IQSEC2: variants seen among roughly 807,000 people sequenced by gnomAD.
IQSEC2 encodes the protein IQ motif and Sec7 domain ArfGEF 2.
IQSEC2 carries 6 observed loss-of-function variants against 74.6 expected under a neutral mutation model. The observed-to-expected ratio is 0.08, with a 90% CI of 0.04 to 0.16. The LOEUF (loss-of-function observed/expected upper bound fraction) is 0.16. Ranked by LOEUF, IQSEC2 falls within the 10% of genes least tolerant of loss-of-function variation. The pLI, the probability that IQSEC2 is intolerant of heterozygous loss-of-function variation, is 1.00. For synonymous variants in IQSEC2, 494 were observed against 544.5 expected (o/e 0.91, Z 1.29); for missense variants, 734 against 1,306.2 (o/e 0.56, Z 6.75).
chrX:53,273,528 G>A (rs2074775228), intron 2 of IQSEC2, among the ~76,000 whole-genome samples: 1 of 111,934 alleles, frequency 8.9e-6, no homozygotes, highest in Non-Finnish European at 1.9e-5. Context: ...TGAACAGCTG[G>A]ATACAGGGAC....
chrX:53,308,842 A>G (rs1556877340), intron 1 of IQSEC2, among the ~76,000 whole-genome samples: 1 of 110,731 alleles, frequency 9.0e-6, no homozygotes, highest in Admixed American at 9.7e-5. Context: ...TCACCCCTGC[A>G]ATCCCAGCAC....
At chrX:53,242,433 CAAAAAAAAAA>C (rs138931001) in intron 9 of IQSEC2, among the ~76,000 whole-genome samples, 5 of 35,993 alleles carry the variant, frequency 1.4e-4, no homozygotes, top group South Asian at 2.6e-3. Flanking sequence ...AACTCCATGT[CAAAAAAAAAA>C]AAAAAAAAAA....
chrX:53,315,089 C>G (rs781974913), intron 1 of IQSEC2, among the ~76,000 whole-genome samples: 13 of 111,850 alleles, frequency 1.2e-4, no homozygotes, highest in African/African-American at 4.2e-4. Context: ...GTTTCCTTGT[C>G]TGAAAAAATG....
At chrX:53,308,163 CAAAAAAAAAA>C (rs142766855) in intron 1 of IQSEC2, among the ~76,000 whole-genome samples, 4 of 37,777 alleles carry the variant, frequency 1.1e-4, no homozygotes, top group Non-Finnish European at 1.7e-4. Flanking sequence ...GACTCCATCT[CAAAAAAAAAA>C]AAAAAAAAAA....
At chrX:53,291,707 T>A (rs1467467015) in intron 2 of IQSEC2, among the ~76,000 whole-genome samples, 188 bp downstream of exon 2, 1 of 109,360 alleles carries the variant, frequency 9.1e-6, no homozygotes, top group Non-Finnish European at 1.9e-5. Flanking sequence ...TTGAACCCCC[T>A]CCCCACAGCT....
At chrX:53,249,967 A>G (rs868958896) in intron 5 of IQSEC2, among the ~76,000 whole-genome samples, 8 of 111,302 alleles carry the variant, frequency 7.2e-5, no homozygotes, top group Admixed American at 6.7e-4. Context: ...CTCTTTCTAC[A>G]CCATATCACC....
At chrX:53,267,042 T>TCTCCTC (rs782290867) in intron 2 of IQSEC2, 6 of 1,148,384 alleles carry the variant, frequency 5.2e-6, no homozygotes, top group Middle Eastern at 4.7e-4. Flanking sequence ...TCTTCCTCAG[T>TCTCCTC]CTCCTCCTCC....
intron 1 of IQSEC2, among the ~76,000 whole-genome samples, chrX:53,294,585 T>A (rs1361070476): frequency 8.9e-6 from 1 of 111,811 alleles, no homozygotes; most frequent in African/African-American, 3.2e-5. Flanking sequence ...TGGACCTTGG[T>A]TCTTCACCTG....
In IQSEC2 at chrX:53,233,349, G is replaced by A. The variant is rs2074077260; in HGVS notation, c.*870C>T. The A allele has an allele frequency of 9.0e-6, 1 of 111,238 alleles. No homozygotes were observed. The highest frequency in any genetic ancestry group is 3.3e-5 in the African/African-American group (1 of 30,465). 9.2% of individuals were successfully genotyped at this position (111,238 alleles called of 1,213,427 possible). On this transcript the variant is annotated 3_prime_UTR_variant, in exon 15 of 15. Transcript: ENST00000642864. ...TGATGCTGGGTGCCCCTGCCCCAGC[G>A]AGGTGTGTGTGGGTGATATCTGTAA... is the stretch of plus-strand genomic sequence containing the variant.
chrX:53,283,352 GCCCTATCACTTTTTA>G (rs2147272436), intron 2 of IQSEC2, among the ~76,000 whole-genome samples: 1 of 112,453 alleles, frequency 8.9e-6, no homozygotes, highest in Non-Finnish European at 1.9e-5. Context: ...ACAAGTCCTT[GCCCTATCACTTTTTA>G]GCTGGGTAAG....
At chrX:53,274,463 T>TTC (rs1224355144) in intron 2 of IQSEC2, among the ~76,000 whole-genome samples, 9 of 71,883 alleles carry the variant, frequency 1.3e-4, no homozygotes, top group Non-Finnish European at 1.9e-4. Context: ...TTTTTTTTTT[T>TTC]TTTTTTTTTT....
At chrX:53,307,295 C>CTTTTTTTTT (rs60909741) in intron 1 of IQSEC2, among the ~76,000 whole-genome samples, 36 of 55,941 alleles carry the variant, frequency 6.4e-4, no homozygotes, top group East Asian at 1.2e-3. Context: ...TTCTTTCTTT[C>CTTTTTTTTT]TTTTTTTTTT....
At position 53,235,693 on chromosome X, in the gene IQSEC2, G is replaced by A. The variant is rs781812999; in HGVS notation, c.3501+90C>T. The A allele has an allele frequency of 4.1e-6, 4 of 975,372 alleles. No homozygotes were observed. In the South Asian group the frequency reaches 6.2e-5, roughly 15 times the overall value. The allele number at this position is 975,372 out of a possible 1,213,427, so 80.4% of individuals were successfully genotyped here. On this transcript the variant is annotated intron_variant, in intron 14 of 14. Transcript: ENST00000642864. The stretch of plus-strand genomic sequence containing the variant: ...GCCGCATGGTTCCCAGCAGGGAAGA[G>A]GGGGAGCAACAGGTCCCCTCCTCCT...
rs1332852634 is a variant in IQSEC2, at chrX:53,234,306, C to T, written c.4380G>A (p.Pro1460=). 7.4e-6 allele frequency: 5 copies of T among 676,160 alleles called. No individual in the cohort carries two copies. Among genetic ancestry groups the T allele is most frequent in the Non-Finnish European group, 9.8e-6 (5 of 511,990 alleles). The allele number at this position is 676,160 out of a possible 1,213,427, so 55.7% of individuals were successfully genotyped here. The change falls in exon 15 of 15, where the codon CCG becomes CCA. Residue 1460 remains proline (P), a synonymous_variant. Transcript: ENST00000642864. ...SPLPPTSPHG[P]LHASGPPGTA... ...TGCCAGGGGGCCCAGAGGCGTGCAGCGGGCCATGGGGGGAGGTGGGTGGAA... is the reference window on the plus strand; with the variant it reads ...TGCCAGGGGGCCCAGAGGCGTGCAGTGGGCCATGGGGGGAGGTGGGTGGAA...
rs28670941 is a variant in IQSEC2, at chrX:53,283,225, G to T, written c.737+8670C>A. Among the ~76,000 whole-genome samples, 6 of 111,939 alleles carry T rather than the reference G, an allele frequency of 5.4e-5. No homozygotes were observed. The East Asian group carries it at 1.7e-3, about 31-fold the overall frequency. On this transcript the variant is annotated intron_variant, in intron 2 of 14. Transcript: ENST00000642864. ...AGCAAGACCCTGTACAAAAGAAAAAGAAAGAAAGAAAGTGTAGTGGTAGCT... is the reference window on the plus strand; with the variant it reads ...AGCAAGACCCTGTACAAAAGAAAAATAAAGAAAGAAAGTGTAGTGGTAGCT...
chrX:53,262,433 G>C (rs2074582013), intron 2 of IQSEC2, among the ~76,000 whole-genome samples: 1 of 112,220 alleles, frequency 8.9e-6, no homozygotes, highest in Non-Finnish European at 1.9e-5. Context: ...AGGAAGCTAG[G>C]GATGGTGAGG....
chrX:53,261,739 C>T (rs1159899625), intron 2 of IQSEC2, among the ~76,000 whole-genome samples: 1 of 111,600 alleles, frequency 9.0e-6, no homozygotes, highest in African/African-American at 3.3e-5. Context: ...TGGAGAGCAT[C>T]CTCTGCAGAG....
chrX:53,251,844 G>T (rs1000700698), intron 4 of IQSEC2, among the ~76,000 whole-genome samples: 1 of 112,278 alleles, frequency 8.9e-6, no homozygotes, highest in Non-Finnish European at 1.9e-5. Flanking sequence ...AGGATCCCTT[G>T]AGCCCAGGAG....
intron 2 of IQSEC2, among the ~76,000 whole-genome samples, chrX:53,290,823 G>T (rs1326299625): frequency 8.9e-6 from 1 of 111,927 alleles, no homozygotes; most frequent in African/African-American, 3.3e-5. Flanking sequence ...CTGCCTGAAT[G>T]ACAGGACCAG....
Sources: gnomAD v4.1 joint callset for allele counts (sites outside exome capture counted in the v4.1 genomes callset) on GRCh38, gnomAD v4.1.1 for gene constraint, MANE v1.5 for transcripts, NCBI Gene and HGNC (gene_info 2026-07-23, HGNC 2026-07-21) for gene names.